CNTNAP2: variants seen among roughly 807,000 people sequenced by gnomAD.
CNTNAP2 encodes contactin-associated protein-like 2.
In CNTNAP2, 98 loss-of-function variants were observed where a neutral mutation model predicts 155.2. That is an observed-to-expected ratio of 0.63 (90% CI 0.54 to 0.75). The LOEUF (loss-of-function observed/expected upper bound fraction) is 0.75, where lower values mean the gene tolerates loss of function less well. Ranked by LOEUF, CNTNAP2 falls within the 30% of genes least tolerant of loss-of-function variation. CNTNAP2 has a pLI of 0.00. For missense variants in CNTNAP2, 1,727 were observed against 1,688.1 expected, an observed-to-expected ratio of 1.02 and a Z score of -0.40; for synonymous variants, 651 against 631.2, an observed-to-expected ratio of 1.03 and a Z score of -0.47.
At chr7:147,488,145 T>A (rs1273397390) in intron 11 of CNTNAP2, among the ~76,000 whole-genome samples, 1 of 152,196 alleles carries the variant, frequency 6.6e-6, no homozygotes, top group Non-Finnish European at 1.5e-5. Flanking sequence ...CTTATCCAAA[T>A]GGATTAGTTA....
intron 8 of CNTNAP2, among the ~76,000 whole-genome samples, chr7:147,242,071 T>C (rs919578940): frequency 7.2e-5 from 11 of 152,220 alleles, no homozygotes; most frequent in Admixed American, 5.2e-4. Flanking sequence ...CTTTTCCTGA[T>C]TTTTTCATCG....
intron 17 of CNTNAP2, among the ~76,000 whole-genome samples, chr7:148,170,946 T>G (rs1805781249): frequency 6.6e-6 from 1 of 152,192 alleles, no homozygotes. Context: ...CTCAGAAACA[T>G]GTACATCTAT....
chr7:146,877,197 G>A (rs76001498), intron 3 of CNTNAP2, among the ~76,000 whole-genome samples: 5 of 152,004 alleles, frequency 3.3e-5, no homozygotes, highest in East Asian at 1.9e-4. Flanking sequence ...TAATTTTTTC[G>A]ACCATTAAAA....
chr7:147,963,010 C>T (rs559181413), intron 14 of CNTNAP2, among the ~76,000 whole-genome samples: 92 of 151,012 alleles, frequency 6.1e-4, no homozygotes, highest in African/African-American at 1.9e-3. Flanking sequence ...ATTCACAGTG[C>T]GAAGTGTCTG....
chr7:147,156,664 A>C (rs1801931219), intron 8 of CNTNAP2, among the ~76,000 whole-genome samples: 2 of 152,188 alleles, frequency 1.3e-5, no homozygotes, highest in South Asian at 4.1e-4. Context: ...TAAGAGGGCA[A>C]ACAAGGATAT....
chr7:147,557,901 C>T (rs1326389405), intron 11 of CNTNAP2, among the ~76,000 whole-genome samples: 1 of 152,016 alleles, frequency 6.6e-6, no homozygotes, highest in Non-Finnish European at 1.5e-5. Flanking sequence ...TTGAAAAAAC[C>T]ACGTTAGGGA....
intron 1 of CNTNAP2, among the ~76,000 whole-genome samples, chr7:146,581,812 C>T (rs1798615288): frequency 6.6e-6 from 1 of 152,002 alleles, no homozygotes; most frequent in Non-Finnish European, 1.5e-5. Context: ...ATCATGCTTC[C>T]AAGTTGATTG....
intron 8 of CNTNAP2, among the ~76,000 whole-genome samples, chr7:147,216,296 A>G (rs1255413409): frequency 6.6e-6 from 1 of 151,980 alleles, no homozygotes. Context: ...GTTAATTTCT[A>G]GGAGCTTTCT....
chr7:146,610,739 A>C (rs1257008269), intron 1 of CNTNAP2, among the ~76,000 whole-genome samples: 3 of 152,174 alleles, frequency 2.0e-5, no homozygotes, highest in Non-Finnish European at 4.4e-5. Flanking sequence ...CTCTGAACTC[A>C]AGTAGTTATT....
intron 15 of CNTNAP2, among the ~76,000 whole-genome samples, chr7:148,115,758 A>G (rs1804454963): frequency 6.6e-6 from 1 of 152,174 alleles, no homozygotes; most frequent in Non-Finnish European, 1.5e-5. Context: ...CCTACACTAC[A>G]TCATACAATA....
intron 1 of CNTNAP2, among the ~76,000 whole-genome samples, chr7:146,702,156 T>C (rs2129173417): frequency 6.6e-6 from 1 of 152,282 alleles, no homozygotes; most frequent in East Asian, 1.9e-4. Flanking sequence ...GCACTAAAGT[T>C]GGTATCCATT....
intron 13 of CNTNAP2, among the ~76,000 whole-genome samples, chr7:147,643,101 T>C (rs998127013): frequency 6.7e-6 from 1 of 150,052 alleles, no homozygotes; most frequent in Non-Finnish European, 1.5e-5. Context: ...TGGGTAATTC[T>C]GTGAATCACA....
At chr7:147,864,603 T>C (rs1431765180) in intron 13 of CNTNAP2, among the ~76,000 whole-genome samples, 3 of 152,168 alleles carry the variant, frequency 2.0e-5, no homozygotes, top group Non-Finnish European at 4.4e-5. Context: ...TTTTATTTCA[T>C]TGAGCAGTGT....
At chr7:148,402,339 G>A (rs1799605143) in intron 22 of CNTNAP2, among the ~76,000 whole-genome samples, 1 of 152,090 alleles carries the variant, frequency 6.6e-6, no homozygotes, top group South Asian at 2.1e-4. Flanking sequence ...TAGAAACTAG[G>A]AAGTGAAGGG....
At chr7:147,762,153 T>TCACA (rs545084626) in intron 13 of CNTNAP2, among the ~76,000 whole-genome samples, 16 of 103,914 alleles carry the variant, frequency 1.5e-4, no homozygotes, top group African/African-American at 9.0e-4. Context: ...TCTCTCTCTG[T>TCACA]CTCACACACA....
chr7:147,447,082 A>G (rs1350335944), intron 10 of CNTNAP2, among the ~76,000 whole-genome samples: 1 of 152,190 alleles, frequency 6.6e-6, no homozygotes, highest in Non-Finnish European at 1.5e-5. Flanking sequence ...TTTAATTACT[A>G]TGACTTCTAT....
chr7:147,766,207 CTT>C (rs1199384287), intron 13 of CNTNAP2, among the ~76,000 whole-genome samples: 2 of 152,064 alleles, frequency 1.3e-5, no homozygotes, highest in Non-Finnish European at 2.9e-5. Context: ...ATGAGTATCT[CTT>C]ATGGTATGTA....
At chr7:147,925,291 C>G (rs1232292699) in intron 14 of CNTNAP2, among the ~76,000 whole-genome samples, 1 of 67,864 alleles carries the variant, frequency 1.5e-5, no homozygotes, top group Non-Finnish European at 2.6e-5. Flanking sequence ...CAAGCGCGCG[C>G]GCACACACAC....
chr7:147,514,134 A>G (rs137921399), intron 11 of CNTNAP2, among the ~76,000 whole-genome samples: 2 of 152,332 alleles, frequency 1.3e-5, no homozygotes, highest in African/African-American at 2.4e-5. Flanking sequence ...AAAAAATACA[A>G]TGACAGTAGG....
Sources: allele counts gnomAD v4.1 joint callset (sites outside exome capture counted in the v4.1 genomes callset), GRCh38; gene constraint gnomAD v4.1.1; transcripts MANE v1.5; gene names NCBI Gene and HGNC (gene_info 2026-07-23, HGNC 2026-07-21).